TTN: variants seen among roughly 807,000 people sequenced by gnomAD.
The protein encoded by TTN is connectin.
In TTN, 1,525 loss-of-function variants were observed where a neutral mutation model predicts 3,223.0. The observed-to-expected ratio is 0.47, with a 90% CI of 0.45 to 0.49. The LOEUF is 0.49. Ranked by LOEUF, TTN falls within the 20% of genes least tolerant of loss-of-function variation. TTN has a pLI of 0.00. For missense variants in TTN, 40,786 were observed against 43,424.0 expected (o/e 0.94, Z 5.40); for synonymous variants, 14,094 against 15,161.0 (o/e 0.93, Z 5.17).
At position 178,591,398 on chromosome 2, in the gene TTN, A is replaced by G. The variant is rs2050161121; in HGVS notation, c.60327T>C (p.Thr20109=). ...PAIIRGVPVP[T]AKWTTDGSEI... Reference sequence around the variant, plus strand: ...CACTCCCATCGGTTGTCCACTTTGCAGTAGGAACAGGCACACCTCTTATAA... The same window carrying G: ...CACTCCCATCGGTTGTCCACTTTGCGGTAGGAACAGGCACACCTCTTATAA... Residue 20109 remains threonine (T), a synonymous_variant, in exon 304 of 363, where the codon ACT becomes ACC. Transcript: ENST00000589042. The G allele has an allele frequency of 2.5e-6, 4 of 1,612,642 alleles. 1 individual carries two copies. The South Asian group carries it at 4.4e-5, about 18-fold the overall frequency.
chr2:178,751,624 A>G, intron 47 of TTN: 2 of 1,613,372 alleles, frequency 1.2e-6, no homozygotes, highest in Non-Finnish European at 1.7e-6. Flanking sequence ...GCAATGATGC[A>G]GTTGATTCTG....
intron 2 of TTN, among the ~76,000 whole-genome samples, chr2:178,802,628 C>T (rs377694922): frequency 1.3e-5 from 2 of 152,318 alleles, no homozygotes; most frequent in African/African-American, 2.4e-5. Context: ...CTCCTGCCTG[C>T]CTGCCTAGGG....
Position 178,644,587 on chromosome 2 carries a change from G to GT in TTN, c.40437dup (p.Pro13480ThrfsTer18), listed in dbSNP as rs1417338194. 1.3e-6 allele frequency: 2 copies of GT among 1,577,344 alleles called. No individual in the cohort carries two copies. Among genetic ancestry groups the GT allele is most frequent in the African/African-American group, 1.4e-5 (1 of 72,496 alleles). On this transcript the variant is annotated frameshift_variant, in exon 218 of 363. Transcript: ENST00000589042. LOFTEE classifies it high-confidence loss of function. ...AGCTCCACTTTTTCTGGAACCTGAGGTTTTTCAGGAACTTTCTTCTTTGGA... is the reference window on the plus strand; with the variant it reads ...AGCTCCACTTTTTCTGGAACCTGAGGTTTTTTCAGGAACTTTCTTCTTTGGA...
At chr2:178,536,800 A>T (rs1205951216) in intron 356 of TTN, 138 bp downstream of exon 356, 2 of 877,322 alleles carry the variant, frequency 2.3e-6, no homozygotes, top group Admixed American at 3.1e-5. Context: ...GCAAACATTC[A>T]ATTAAAGTGA....
Position 178,766,394 on chromosome 2 carries a change from A to G in TTN, c.9690T>C (p.Thr3230=). 1 of 1,612,170 alleles carries G rather than the reference A, an allele frequency of 6.2e-7. No homozygotes were observed. Among genetic ancestry groups the G allele is most frequent in the Non-Finnish European group, 8.5e-7 (1 of 1,178,238 alleles). ...GTCCCTACATACCATTGACATAGAG[A>G]GTGACAGAACTCCTGTTCCTTCCTG... ...FVAGRNRSSV[T]LYVNAPEPPQ... Residue 3230 remains threonine (T), a synonymous_variant, in exon 41 of 363, where the codon ACT becomes ACC. Coordinates refer to ENST00000589042, the MANE Select transcript of TTN (RefSeq NM_001267550.2).
chr2:178,663,616 G>A lies in TTN; in HGVS notation c.36532+11C>T, dbSNP rs768495522. ...ATACATCATCTGAAGCCTAAAATCA[G>A]TGACAAATACCTTTAACAGGTGGGA... On this transcript the variant is annotated intron_variant, in intron 171 of 362. Transcript: ENST00000589042. 6.2e-7 allele frequency: 1 copy of A among 1,613,676 alleles called. No homozygotes were observed. Among genetic ancestry groups the A allele is most frequent in the Admixed American group, 1.7e-5 (1 of 59,954 alleles).
chr2:178,685,295 GT>G lies in TTN; in HGVS notation c.32427del (p.Lys10809AsnfsTer8). The G allele has an allele frequency of 6.4e-7, 1 of 1,552,440 alleles. No homozygotes were observed. Among genetic ancestry groups the G allele is most frequent in the Non-Finnish European group, 8.7e-7 (1 of 1,147,620 alleles). The stretch of plus-strand genomic sequence containing the variant: ...TCCTCTATTTTAGCAGGAATTTTTG[GT>G]TTCAGTACAATTTTCTTCTCCTGCC... ...TERQEKKIVLKPKIPAKIEEP... is the reference protein window; with the variant it reads ...TERQEKKIVLXPKIPAKIEEP... On this transcript the variant is annotated frameshift_variant, in exon 129 of 363. Coordinates refer to ENST00000589042, the MANE Select transcript of TTN (RefSeq NM_001267550.2). LOFTEE classifies it high-confidence loss of function.
rs762698812 is a variant in TTN, at chr2:178,576,676, T to C, written c.69568A>G (p.Ile23190Val). 2 of 1,613,572 alleles carry C rather than the reference T, an allele frequency of 1.2e-6. No homozygotes were observed. The highest frequency in any genetic ancestry group is 8.5e-7 in the Non-Finnish European group (1 of 1,179,620). ...CTGAGATCGGAAACTGGTGTTTTTATTGCTCTCACCCATCGCAGGCTTTTC... is the reference window on the plus strand; with the variant it reads ...CTGAGATCGGAAACTGGTGTTTTTACTGCTCTCACCCATCGCAGGCTTTTC... ...EKKSLRWVRA[I>V]KTPVSDLRCK... The change falls in exon 325 of 363, where the codon ATA becomes GTA. Residue 23190 changes from isoleucine (I) to valine (V), a missense_variant. Physicochemically the swap from Ile to Val is conservative, Grantham distance 29 (BLOSUM62 3). Transcript: ENST00000589042. The surrounding 1 kb of genome is among the most constrained non-coding windows in gnomAD (Gnocchi z 4.3).
intron 4 of TTN, 152 bp downstream of exon 4, chr2:178,800,243 G>A: frequency 1.0e-6 from 1 of 990,520 alleles, no homozygotes; most frequent in Admixed American, 2.3e-5. Flanking sequence ...TAGAATCTCA[G>A]GGACTTTTCA....
intron 47 of TTN, 102 bp downstream of exon 47, chr2:178,753,022 T>C (rs929492495): frequency 1.1e-6 from 1 of 888,118 alleles, no homozygotes; most frequent in East Asian, 2.6e-5. Flanking sequence ...TGTATATCTA[T>C]GTCATTTTTT....
chr2:178,644,521 G>C, intron 218 of TTN, 27 bp downstream of exon 218: 1 of 1,541,536 alleles, frequency 6.5e-7, no homozygotes, highest in Non-Finnish European at 8.7e-7. Context: ...TACTACATAA[G>C]TATGTATTTT....
Position 178,717,529 on chromosome 2 carries a change from G to A in TTN, c.25345C>T (p.Leu8449Phe). The change falls in exon 87 of 363, where the codon CTC becomes TTC. Residue 8449 changes from leucine (L) to phenylalanine (F), a missense_variant. By Grantham distance (22) the Leu-to-Phe change is conservative (BLOSUM62 0). Transcript: ENST00000589042. ...GGTACTGTGAGTTACTCACCTGAGA[G>A]AATGAGCTTGGCACTGGATGAAGCA... Reference protein sequence around the residue: ...GTASSSAKLILSEHEVPPFFD... With the variant: ...GTASSSAKLIFSEHEVPPFFD... 1.2e-6 allele frequency: 2 copies of A among 1,600,226 alleles called. No homozygotes were observed. Among genetic ancestry groups the A allele is most frequent in the South Asian group, 2.2e-5 (2 of 88,936 alleles).
At chr2:178,724,174 G>T in intron 72 of TTN, 31 bp from the exon 73 acceptor site, 1 of 1,588,744 alleles carries the variant, frequency 6.3e-7, no homozygotes, top group South Asian at 1.2e-5. Context: ...GACTCATCAT[G>T]ATTTGAAAGA....
At chr2:178,734,670 C>T in intron 51 of TTN, 37 bp downstream of exon 51, 1 of 1,571,942 alleles carries the variant, frequency 6.4e-7, no homozygotes, top group Non-Finnish European at 8.6e-7. Flanking sequence ...GAAATCTTTT[C>T]TCAGAAAAAT....
intron 47 of TTN, chr2:178,747,757 A>G: frequency 1.2e-6 from 2 of 1,611,626 alleles, no homozygotes; most frequent in South Asian, 1.1e-5. Context: ...GAGAAAAACT[A>G]GTTTCTATCA....
chr2:178,620,501 T>C lies in TTN; in HGVS notation c.46020A>G (p.Glu15340=). Residue 15340 remains glutamate (E), a synonymous_variant, in exon 248 of 363, where the codon GAA becomes GAG. Coordinates refer to ENST00000589042, the MANE Select transcript of TTN (RefSeq NM_001267550.2). ...ATGAGACACGGTTGTCAAAAGGCAC[T>C]TCTTCACCATTTTTGGTCCACTTCA... The part of the protein sequence containing the change: ...VTLKWTKNGE[E]VPFDNRVSYR... 1 of 1,612,418 alleles carries C rather than the reference T, an allele frequency of 6.2e-7. No homozygotes were observed. The highest frequency in any genetic ancestry group is 1.1e-5 in the South Asian group (1 of 91,024).
intron 258 of TTN, 47 bp downstream of exon 258, chr2:178,615,594 A>G: frequency 6.2e-7 from 1 of 1,610,516 alleles, no homozygotes; most frequent in Non-Finnish European, 8.5e-7. Context: ...TCTAAAAGCA[A>G]AAACAGGCAA....
At chr2:178,797,219 T>C (rs1164472825) in intron 6 of TTN, among the ~76,000 whole-genome samples, 4 of 152,068 alleles carry the variant, frequency 2.6e-5, no homozygotes, top group Non-Finnish European at 5.9e-5. Context: ...GTGTGCAAAC[T>C]TGGATTTAGC....
intron 82 of TTN, 45 bp downstream of exon 82, chr2:178,719,509 C>A (rs1434778862): frequency 5.0e-6 from 8 of 1,588,218 alleles, no homozygotes; most frequent in Non-Finnish European, 6.9e-6. Flanking sequence ...TGCCCCTCCA[C>A]CCCCTGGAAA....
Sources: gnomAD v4.1 joint callset for allele counts (sites outside exome capture counted in the v4.1 genomes callset) on GRCh38, gnomAD v4.1.1 for gene constraint, Gnocchi (gnomAD v3.1) non-coding constraint, MANE v1.5 for transcripts, NCBI Gene and HGNC (gene_info 2026-07-23, HGNC 2026-07-21) for gene names.